The following SLC35D4 variants were observed in gnomAD, a reference collection of about 807,000 sequenced individuals.
SLC35D4 encodes solute carrier family 35 member D4.
the SLC35D4 span, among the ~76,000 whole-genome samples, chr18:23,276,159 C>T: frequency 1.9e-4 from 29 of 151,948 alleles, no homozygotes; most frequent in East Asian, 3.5e-3. Context: ...GCAATCTCGG[C>T]TCACTGCAAG....
the SLC35D4 span, among the ~76,000 whole-genome samples, chr18:23,266,668 T>A: frequency 2.4e-4 from 37 of 152,304 alleles, 1 homozygote; most frequent in South Asian, 6.2e-3. Flanking sequence ...TTTTTCTGCT[T>A]TCTTGAAACC....
chr18:23,353,511 T>A, the SLC35D4 span, among the ~76,000 whole-genome samples: 479 of 152,330 alleles, frequency 3.1e-3, 1 homozygote, highest in Non-Finnish European at 4.5e-3. Context: ...AGGCCAAATG[T>A]CACAGAAATG....
At chr18:23,264,353 CTTTTTTT>C in the SLC35D4 span, among the ~76,000 whole-genome samples, 242 of 56,102 alleles carry the variant, frequency 4.3e-3, 3 homozygotes, top group African/African-American at 0.012. Context: ...CACTTTATTC[CTTTTTTT>C]TTTTTTTTTT....
At chr18:23,372,464 A>T in the SLC35D4 span, among the ~76,000 whole-genome samples, 1 of 152,218 alleles carries the variant, frequency 6.6e-6, no homozygotes, top group South Asian at 2.1e-4. Context: ...TGGCTCTAGC[A>T]TCAGAGAGAT....
chr18:23,366,004 C>T, the SLC35D4 span, among the ~76,000 whole-genome samples: 1 of 152,146 alleles, frequency 6.6e-6, no homozygotes, highest in Non-Finnish European at 1.5e-5. Context: ...CTAAACAAAG[C>T]AAACACCAAA....
At chr18:23,297,560 A>G in the SLC35D4 span, 6 of 149,070 alleles carry the variant, frequency 4.0e-5, no homozygotes, top group African/African-American at 1.5e-4. Flanking sequence ...TTAAAAATGA[A>G]AAAAAAAAAA....
At chr18:23,330,201 A>G in the SLC35D4 span, among the ~76,000 whole-genome samples, 3 of 152,220 alleles carry the variant, frequency 2.0e-5, no homozygotes, top group Non-Finnish European at 2.9e-5. Flanking sequence ...TATAAAAAAA[A>G]AGAACAAAAA....
the SLC35D4 span, among the ~76,000 whole-genome samples, chr18:23,270,631 C>T: frequency 5.3e-5 from 8 of 152,302 alleles, no homozygotes; most frequent in Admixed American, 1.3e-4. Context: ...GCCACAGGGG[C>T]GGAGCTGCTC....
chr18:23,280,206 G>A, the SLC35D4 span, among the ~76,000 whole-genome samples: 48 of 152,268 alleles, frequency 3.2e-4, no homozygotes, highest in Non-Finnish European at 1.3e-4. Context: ...TGGGGTGGGC[G>A]TGTGTGCGCG....
the SLC35D4 span, among the ~76,000 whole-genome samples, chr18:23,330,798 A>G: frequency 6.6e-6 from 1 of 152,160 alleles, no homozygotes; most frequent in Non-Finnish European, 1.5e-5. Flanking sequence ...TTGTACAGTT[A>G]CATGTAAAGA....
chr18:23,305,903 C>T, the SLC35D4 span, among the ~76,000 whole-genome samples: 1 of 152,324 alleles, frequency 6.6e-6, no homozygotes, highest in South Asian at 2.1e-4. Flanking sequence ...ACATATGAGG[C>T]ACTTGGTAAA....
the SLC35D4 span, among the ~76,000 whole-genome samples, chr18:23,264,300 C>T: frequency 9.9e-5 from 15 of 150,794 alleles, no homozygotes; most frequent in Non-Finnish European, 1.8e-4. Flanking sequence ...GGAACAGGCA[C>T]GCTACACAGC....
At chr18:23,365,664 C>T in the SLC35D4 span, 3 of 1,613,482 alleles carry the variant, frequency 1.9e-6, no homozygotes, top group South Asian at 3.3e-5. Context: ...GCCAGGAGCA[C>T]CACACTGGAA....
chr18:23,287,879 G>A, the SLC35D4 span, among the ~76,000 whole-genome samples: 2 of 152,316 alleles, frequency 1.3e-5, no homozygotes, highest in African/African-American at 2.4e-5. Flanking sequence ...TGACCTTACT[G>A]TTTTAGGCTG....
the SLC35D4 span, among the ~76,000 whole-genome samples, chr18:23,241,604 A>G: frequency 3.3e-5 from 5 of 152,300 alleles, no homozygotes; most frequent in South Asian, 1.0e-3. Context: ...GTTGATAGAT[A>G]TTTGTTCATG....
the SLC35D4 span, chr18:23,257,205 T>C: frequency 6.2e-7 from 1 of 1,605,320 alleles, no homozygotes; most frequent in East Asian, 2.2e-5. Context: ...TGAACATGCT[T>C]TTGATTTTCT....
the SLC35D4 span, among the ~76,000 whole-genome samples, chr18:23,387,961 G>C: frequency 1.3e-5 from 2 of 152,110 alleles, no homozygotes; most frequent in Non-Finnish European, 2.9e-5. Flanking sequence ...TGGCAAACTT[G>C]GGCCCTGGCC....
the SLC35D4 span, among the ~76,000 whole-genome samples, chr18:23,305,607 A>C: frequency 1.3e-5 from 2 of 152,236 alleles, no homozygotes; most frequent in African/African-American, 4.8e-5. Flanking sequence ...ATAAATGGTT[A>C]TTATTATTAA....
chr18:23,367,897 T>A, the SLC35D4 span, among the ~76,000 whole-genome samples: 1 of 151,938 alleles, frequency 6.6e-6, no homozygotes. Flanking sequence ...AGAAACCCCT[T>A]ATAGTTATAA....
Sources: gnomAD v4.1 joint callset for allele counts (sites outside exome capture counted in the v4.1 genomes callset) on GRCh38, gnomAD v4.1.1 for gene constraint, MANE v1.5 for transcripts, NCBI Gene and HGNC (gene_info 2026-07-23, HGNC 2026-07-21) for gene names.